SLC25A21: variants seen among roughly 807,000 people sequenced by gnomAD.
SLC25A21 encodes the protein solute carrier family 25 member 21.
SLC25A21 carries 47 observed loss-of-function variants against 43.8 expected under a neutral mutation model. That is an observed-to-expected ratio of 1.07 (90% confidence interval 0.85 to 1.37). The LOEUF (loss-of-function observed/expected upper bound fraction) is 1.37. Among genes scored for constraint, SLC25A21 ranks in the 40% most tolerant of loss-of-function variants. SLC25A21 has a pLI of 0.00. For missense variants in SLC25A21, 352 were observed against 350.2 expected (o/e 1.00, Z -0.04); for synonymous variants, 131 against 121.3 (o/e 1.08, Z -0.52).
intron 3 of SLC25A21, among the ~76,000 whole-genome samples, chr14:36,810,689 C>T (rs909598864): frequency 2.0e-5 from 3 of 152,106 alleles, no homozygotes; most frequent in African/African-American, 7.2e-5. Flanking sequence ...GGTGTGATGA[C>T]TTCCATTCAT....
At chr14:36,759,737 G>A (rs1299551211) in intron 3 of SLC25A21, 6 of 152,226 alleles carry the variant, frequency 3.9e-5, no homozygotes, top group African/African-American at 7.2e-5. Flanking sequence ...CCAGCATGTT[G>A]GGAGGCCAGA....
Position 37,172,158 on chromosome 14 carries a change from G to A in SLC25A21, c.70+123C>T, listed in dbSNP as rs940067659. The stretch of plus-strand genomic sequence containing the variant: ...CTCTAGGGGCTCAAGCACTGCTCCG[G>A]GAGCGCTGAATTTTGAGGAAGAGGG... On this transcript the variant is annotated intron_variant, in intron 1 of 9. Coordinates refer to ENST00000331299, the MANE Select transcript of SLC25A21 (RefSeq NM_030631.4). 1.1e-4 allele frequency: 116 copies of A among 1,037,002 alleles called. 2 individuals are homozygous for A. In the South Asian group the frequency reaches 1.9e-3, roughly 17 times the overall value. 64.2% of individuals were successfully genotyped at this position (1,037,002 alleles called of 1,614,324 possible).
At chr14:36,691,464 A>T (rs746656301) in intron 7 of SLC25A21, among the ~76,000 whole-genome samples, 6 of 152,238 alleles carry the variant, frequency 3.9e-5, no homozygotes, top group African/African-American at 1.4e-4. Context: ...ACTGTCACCA[A>T]TTAGGAACTG....
intron 3 of SLC25A21, among the ~76,000 whole-genome samples, chr14:36,756,419 G>C (rs989739506): frequency 6.6e-6 from 1 of 152,204 alleles, no homozygotes; most frequent in African/African-American, 2.4e-5. Context: ...CGTGGTTCAC[G>C]AGGCTCCCCA....
chr14:37,053,822 T>C (rs1427362550), intron 1 of SLC25A21, among the ~76,000 whole-genome samples: 1 of 152,172 alleles, frequency 6.6e-6, no homozygotes, highest in Non-Finnish European at 1.5e-5. Context: ...GAGTCTCACA[T>C]TAGCCAAAGA....
chr14:36,813,342 T>C (rs1888337158), intron 3 of SLC25A21, among the ~76,000 whole-genome samples: 1 of 150,288 alleles, frequency 6.7e-6, no homozygotes, highest in Non-Finnish European at 1.5e-5. Flanking sequence ...ATTTAATAGA[T>C]CAGATAATTA....
chr14:36,792,201 C>T (rs1009661303), intron 3 of SLC25A21, among the ~76,000 whole-genome samples: 1 of 152,052 alleles, frequency 6.6e-6, no homozygotes, highest in Non-Finnish European at 1.5e-5. Context: ...CATGATGTGT[C>T]CCACGCTAGT....
chr14:36,980,579 T>C (rs537053898), intron 1 of SLC25A21, among the ~76,000 whole-genome samples: 1 of 152,352 alleles, frequency 6.6e-6, no homozygotes, highest in East Asian at 1.9e-4. Context: ...TCTCATGCCA[T>C]GGTTATCAGC....
intron 1 of SLC25A21, among the ~76,000 whole-genome samples, chr14:37,113,198 TG>T (rs1371006744): frequency 6.6e-6 from 1 of 152,206 alleles, no homozygotes; most frequent in Admixed American, 6.5e-5. Flanking sequence ...ATTCTACCTA[TG>T]GCTGGCTATC....
At chr14:37,086,565 G>C (rs1443033836) in intron 1 of SLC25A21, among the ~76,000 whole-genome samples, 1 of 152,176 alleles carries the variant, frequency 6.6e-6, no homozygotes, top group African/African-American at 2.4e-5. Context: ...CTGGATTGTA[G>C]AGCCTTGAAT....
rs559081755 is a variant in SLC25A21, at chr14:36,794,133, C to T, written c.203+19785G>A. The stretch of plus-strand genomic sequence containing the variant: ...CTTGCATAGATAAAGGTCTGTGGCC[C>T]AGGCTAGTGTAGGTAAAGTACCATG... On this transcript the variant is annotated intron_variant, in intron 3 of 9. Transcript: ENST00000331299. Among the ~76,000 whole-genome samples, 8 of 152,168 alleles carry T rather than the reference C, an allele frequency of 5.3e-5. No individual in the cohort carries two copies. In the South Asian group the frequency reaches 1.7e-3, roughly 32 times the overall value.
intron 1 of SLC25A21, among the ~76,000 whole-genome samples, chr14:37,043,940 G>GTTTTTTTTTTTTTTT (rs59081965): frequency 4.4e-4 from 25 of 56,754 alleles, no homozygotes; most frequent in Non-Finnish European, 5.4e-4. Context: ...ATGTTTTTTT[G>GTTTTTTTTTTTTTTT]TTTTTTTTTT....
intron 1 of SLC25A21, among the ~76,000 whole-genome samples, chr14:37,135,873 C>T (rs1017448127): frequency 1.3e-5 from 2 of 152,184 alleles, no homozygotes; most frequent in African/African-American, 4.8e-5. Flanking sequence ...TCCCATAAAA[C>T]CTGGTTCTGC....
chr14:37,165,466 G>A (rs1325830897), intron 1 of SLC25A21, among the ~76,000 whole-genome samples: 1 of 152,166 alleles, frequency 6.6e-6, no homozygotes, highest in Non-Finnish European at 1.5e-5. Context: ...AGTCTTGCCA[G>A]GATGGTGATC....
At chr14:36,867,028 C>T (rs1303542588) in intron 2 of SLC25A21, among the ~76,000 whole-genome samples, 2 of 152,116 alleles carry the variant, frequency 1.3e-5, no homozygotes, top group African/African-American at 2.4e-5. Context: ...AATGAGCCAG[C>T]GCTGCTCTAG....
chr14:36,695,103 A>G (rs966241971), intron 7 of SLC25A21, among the ~76,000 whole-genome samples: 1 of 152,158 alleles, frequency 6.6e-6, no homozygotes, highest in African/African-American at 2.4e-5. Flanking sequence ...TAAGGAAGGG[A>G]TCCAGTTTCA....
chr14:36,684,473 C>T (rs1882439064), intron 8 of SLC25A21, among the ~76,000 whole-genome samples: 1 of 152,150 alleles, frequency 6.6e-6, no homozygotes, highest in African/African-American at 2.4e-5. Flanking sequence ...AGGACATATA[C>T]AATACTACAT....
At chr14:36,923,634 C>T (rs1041187371) in intron 1 of SLC25A21, among the ~76,000 whole-genome samples, 1 of 152,004 alleles carries the variant, frequency 6.6e-6, no homozygotes, top group Non-Finnish European at 1.5e-5. Context: ...AAGCAAGGTG[C>T]CTGACAGCAG....
intron 1 of SLC25A21, among the ~76,000 whole-genome samples, chr14:37,159,157 C>T (rs1434247254): frequency 6.6e-6 from 1 of 151,756 alleles, no homozygotes; most frequent in East Asian, 1.9e-4. Context: ...GACAAGATTG[C>T]CCAAAGCAAT....
Sources: allele counts gnomAD v4.1 joint callset (sites outside exome capture counted in the v4.1 genomes callset), GRCh38; gene constraint gnomAD v4.1.1; transcripts MANE v1.5; gene names NCBI Gene and HGNC (gene_info 2026-07-23, HGNC 2026-07-21).